Variants in PFDN2 observed in about 807,000 individuals in gnomAD.
PFDN2 encodes the protein prefoldin 2.
PFDN2 carries 7 observed loss-of-function variants against 18.3 expected under a neutral mutation model. The ratio of observed to expected loss-of-function variants is 0.38; its 90% CI spans 0.22 to 0.72. PFDN2 has a LOEUF of 0.72. PFDN2 is among the 30% of genes least tolerant of loss of function. PFDN2 has a pLI of 0.47. For missense variants in PFDN2, 181 were observed against 199.1 expected, an observed-to-expected ratio of 0.91 and a Z score of 0.55; for synonymous variants, 76 against 75.0, an observed-to-expected ratio of 1.01 and a Z score of -0.07.
chr1:161,102,379 A>C lies in PFDN2; in HGVS notation c.76-4T>G. 6.2e-7 allele frequency: 1 copy of C among 1,605,840 alleles called. No individual in the cohort carries two copies. Among genetic ancestry groups the C allele is most frequent in the Non-Finnish European group, 8.5e-7 (1 of 1,172,464 alleles). ...GGCGGTTGAAGCCAGCAATCACCTA[A>C]CAAGGTGAGAGAAGAGATGAAAGAG... On this transcript the variant is annotated splice_region_variant and splice_polypyrimidine_tract_variant and intron_variant, in intron 1 of 3. Coordinates refer to ENST00000368010, the MANE Select transcript of PFDN2 (RefSeq NM_012394.4).
intron 1 of PFDN2, among the ~76,000 whole-genome samples, chr1:161,103,445 T>C (rs1654612951): frequency 6.6e-6 from 1 of 150,482 alleles, no homozygotes; most frequent in Admixed American, 6.6e-5. Context: ...ATCGCAGCAC[T>C]TTGGGAGGCC....
At chr1:161,112,983 ATATACTCC>A in intron 1 of PFDN2, among the ~76,000 whole-genome samples, 1 of 151,872 alleles carries the variant, frequency 6.6e-6, no homozygotes, top group South Asian at 2.1e-4. Flanking sequence ...CTCTCAAAGG[ATATACTCC>A]TAAATGGCAA....
At chr1:161,109,767 G>A (rs1374425059) in intron 1 of PFDN2, among the ~76,000 whole-genome samples, 1 of 152,226 alleles carries the variant, frequency 6.6e-6, no homozygotes, top group Non-Finnish European at 1.5e-5. Context: ...GCAGAGGTGG[G>A]CTGATCACTT....
At chr1:161,108,471 A>G (rs1291459176) in intron 1 of PFDN2, among the ~76,000 whole-genome samples, 1 of 150,824 alleles carries the variant, frequency 6.6e-6, no homozygotes, top group African/African-American at 2.4e-5. Context: ...AAAAAAAAAA[A>G]GGAGAATCAC....
chr1:161,107,839 C>T (rs1654714417), intron 1 of PFDN2, among the ~76,000 whole-genome samples: 1 of 151,176 alleles, frequency 6.6e-6, no homozygotes. Context: ...AAAGGCCAGG[C>T]GTGCTGGCTC....
chr1:161,107,522 C>A (rs979639806), intron 1 of PFDN2, among the ~76,000 whole-genome samples: 8 of 150,450 alleles, frequency 5.3e-5, no homozygotes, highest in African/African-American at 2.0e-4. Flanking sequence ...AATATAAAAT[C>A]TCTTTGGACA....
At chr1:161,108,457 C>CAAAA (rs35647606) in intron 1 of PFDN2, among the ~76,000 whole-genome samples, 1 of 127,888 alleles carries the variant, frequency 7.8e-6, no homozygotes, top group Middle Eastern at 4.3e-3. Context: ...AACTCCGTCT[C>CAAAA]AAAAAAAAAA....
intron 1 of PFDN2, among the ~76,000 whole-genome samples, chr1:161,106,424 T>C (rs902215627): frequency 3.3e-5 from 5 of 152,162 alleles, no homozygotes; most frequent in Non-Finnish European, 7.3e-5. Context: ...TGCCAGGTAA[T>C]GAAAACAGAG....
rs147570503 is a variant in PFDN2 at position 161,102,109 on chromosome 1, C to T, written c.227G>A (p.Gly76Glu). 1 of 1,614,112 alleles carries T rather than the reference C, an allele frequency of 6.2e-7. No homozygotes were observed. Among genetic ancestry groups the T allele is most frequent in the Non-Finnish European group, 8.5e-7 (1 of 1,180,040 alleles). Residue 76 changes from glycine to glutamate, a missense_variant, in exon 3 of 4, where the codon GGA becomes GAA. Gly to Glu is a moderately conservative substitution (Grantham distance 98, BLOSUM62 -2). Coordinates refer to ENST00000368010, the MANE Select transcript of PFDN2 (RefSeq NM_012394.4). Reference sequence around the variant, plus strand: ...TTTGACAGTTCGCTCCACCAGCACTCCTCCAACCATGCGGTAGCACTTACG... The same window carrying T: ...TTTGACAGTTCGCTCCACCAGCACTTCTCCAACCATGCGGTAGCACTTACG... Reference protein sequence around the residue: ...ETRKCYRMVGGVLVERTVKEV... With the variant: ...ETRKCYRMVGEVLVERTVKEV...
intron 1 of PFDN2, among the ~76,000 whole-genome samples, chr1:161,107,967 T>C (rs975475582): frequency 6.8e-6 from 1 of 146,398 alleles, no homozygotes; most frequent in Admixed American, 6.9e-5. Context: ...TACAAAAAAT[T>C]AGCTGGATGT....
chr1:161,115,669 C>T (rs1654899896), intron 1 of PFDN2, among the ~76,000 whole-genome samples: 1 of 152,132 alleles, frequency 6.6e-6, no homozygotes, highest in African/African-American at 2.4e-5. Context: ...AGGGTGAGTA[C>T]AGTACAATCA....
intron 1 of PFDN2, among the ~76,000 whole-genome samples, chr1:161,105,449 ACTTTT>A (rs991353413): frequency 2.6e-5 from 4 of 151,490 alleles, no homozygotes; most frequent in Non-Finnish European, 1.5e-5. Flanking sequence ...ACAGGAATCT[ACTTTT>A]CTTTTCTTTT....
chr1:161,112,986 T>C (rs1654839397), intron 1 of PFDN2, among the ~76,000 whole-genome samples: 1 of 151,816 alleles, frequency 6.6e-6, no homozygotes, highest in African/African-American at 2.4e-5. Context: ...TCAAAGGATA[T>C]ACTCCTAAAT....
intron 1 of PFDN2, among the ~76,000 whole-genome samples, chr1:161,117,525 A>G (rs1571193172): frequency 6.6e-6 from 1 of 152,314 alleles, no homozygotes; most frequent in African/African-American, 2.4e-5. Context: ...GTGGCTCTGC[A>G]GCGTGACGGC....
chr1:161,116,200 G>A (rs1190338011), intron 1 of PFDN2, among the ~76,000 whole-genome samples: 1 of 151,910 alleles, frequency 6.6e-6, no homozygotes, highest in African/African-American at 2.4e-5. Flanking sequence ...ATTGCACTCA[G>A]CCTGAGCAAC....
chr1:161,108,569 A>AC (rs992504038), intron 1 of PFDN2, among the ~76,000 whole-genome samples: 15 of 152,116 alleles, frequency 9.9e-5, no homozygotes, highest in African/African-American at 2.7e-4. Context: ...CATCTCAAAA[A>AC]AAAAAACAAA....
intron 1 of PFDN2, among the ~76,000 whole-genome samples, chr1:161,107,116 G>C (rs1654692667): frequency 6.6e-6 from 1 of 152,150 alleles, no homozygotes. Context: ...ATACCCTATT[G>C]ATATATTTTT....
At chr1:161,110,623 T>C (rs1175232829) in intron 1 of PFDN2, among the ~76,000 whole-genome samples, 1 of 152,118 alleles carries the variant, frequency 6.6e-6, no homozygotes, top group Non-Finnish European at 1.5e-5. Context: ...CTGGTTTCAA[T>C]AGAAGAATAG....
Position 161,100,846 on chromosome 1 carries a change from A to G in PFDN2, c.302T>C (p.Ile101Thr), listed in dbSNP as rs1278123517. The change falls in exon 4 of 4, where the codon ATT becomes ACT. Residue 101 changes from isoleucine (I) to threonine (T), a missense_variant. Coordinates refer to ENST00000368010, the MANE Select transcript of PFDN2 (RefSeq NM_012394.4). ...ENNKEQIQKI[I>T]ETLTQQLQAK... ...CTGAAGCTGCTGTGTCAGTGTCTCA[A>G]TGATCTTCTGTATCTAGAGGACAAG... The G allele has an allele frequency of 1.2e-6, 2 of 1,613,326 alleles. No individual in the cohort carries two copies. The highest frequency in any genetic ancestry group is 1.7e-6 in the Non-Finnish European group (2 of 1,179,318).
Sources: allele counts gnomAD v4.1 joint callset (sites outside exome capture counted in the v4.1 genomes callset), GRCh38; gene constraint gnomAD v4.1.1; transcripts MANE v1.5; gene names NCBI Gene and HGNC (gene_info 2026-07-23, HGNC 2026-07-21).